The following SMTNL2 variants were observed in gnomAD, a reference collection of about 807,000 sequenced individuals.
SMTNL2 encodes the protein smoothelin-like protein 2.
SMTNL2 carries 43 observed loss-of-function variants against 44.1 expected under a neutral mutation model. The ratio of observed to expected loss-of-function variants is 0.98; its 90% CI spans 0.76 to 1.26. The LOEUF is 1.26. SMTNL2 is among the 50% of genes most tolerant of loss of function. The probability of loss-of-function intolerance (pLI) is 0.00; values close to 1 mark genes in which losing one functional copy is unlikely to be tolerated. For missense variants in SMTNL2, 646 were observed against 670.2 expected (o/e 0.96, Z 0.40); for synonymous variants, 317 against 287.6 (o/e 1.10, Z -1.03).
Position 4,607,200 on chromosome 17 carries a change from A to G in SMTNL2, c.1260-161A>G, listed in dbSNP as rs757381168. ...CATTGTATTGGAGTCAGTGACTCCA[A>G]GGGTTCTGCCAGGGTTATCTGAATT... On this transcript the variant is annotated intron_variant, in intron 7 of 7. Coordinates refer to ENST00000389313, the MANE Select transcript of SMTNL2 (RefSeq NM_001114974.2). The surrounding 1 kb of genome is among the most constrained non-coding windows in gnomAD (Gnocchi z 4.7). Among the ~76,000 whole-genome samples, 4 of 152,188 alleles carry G rather than the reference A, an allele frequency of 2.6e-5. No homozygotes were observed. Among genetic ancestry groups the G allele is most frequent in the Admixed American group, 6.5e-5 (1 of 15,272 alleles).
At position 4,595,016 on chromosome 17, in the gene SMTNL2, G is replaced by A; in HGVS notation, c.807-129G>A. 2 of 1,242,824 alleles carry A rather than the reference G, an allele frequency of 1.6e-6. No homozygotes were observed. The highest frequency in any genetic ancestry group is 2.3e-6 in the Non-Finnish European group (2 of 874,094). The allele number at this position is 1,242,824 out of a possible 1,614,324, so 77.0% of individuals were successfully genotyped here. A position where few individuals can be genotyped will look rare whatever the true frequency, so the allele number is the denominator to read the frequency against. On this transcript the variant is annotated intron_variant, in intron 4 of 7. Coordinates refer to ENST00000389313, the MANE Select transcript of SMTNL2 (RefSeq NM_001114974.2). This position sits in a 1 kb window ranked among gnomAD's most constrained non-coding sequence, Gnocchi z 5.1. ...ACCAGCTAGGGACCGGAGCAAGGGG[G>A]CCTCTTCTCTGAGCGCCCATCACGG...
At chr17:4,590,401 A>C (rs1450071322) in intron 1 of SMTNL2, among the ~76,000 whole-genome samples, 1 of 152,022 alleles carries the variant, frequency 6.6e-6, no homozygotes, top group African/African-American at 2.4e-5. Context: ...TGGGGGCCTC[A>C]TCCCAGGGCC....
At chr17:4,593,312 C>A in intron 3 of SMTNL2, 141 bp downstream of exon 3, 2 of 1,288,880 alleles carry the variant, frequency 1.6e-6, no homozygotes, top group Non-Finnish European at 2.1e-6. Flanking sequence ...GCCATGTCAG[C>A]CCCTTCCCTT....
Position 4,600,843 on chromosome 17 carries a change from G to A in SMTNL2, c.1259+3520G>A, listed in dbSNP as rs139400942. On this transcript the variant is annotated intron_variant, in intron 7 of 7. Transcript: ENST00000389313. This position sits in a 1 kb window ranked among gnomAD's most constrained non-coding sequence, Gnocchi z 4.7. ...GGAATGTGTCCTGCTCTCGGGTTACGCTGGAGCAGAAGGGCCTTCCAGGCT... is the reference window on the plus strand; with the variant it reads ...GGAATGTGTCCTGCTCTCGGGTTACACTGGAGCAGAAGGGCCTTCCAGGCT... Among the ~76,000 whole-genome samples, 3 of 152,188 alleles carry A rather than the reference G, an allele frequency of 2.0e-5. No individual in the cohort carries two copies. Among genetic ancestry groups the A allele is most frequent in the East Asian group, 1.9e-4 (1 of 5,198 alleles).
At chr17:4,597,419 G>A in intron 7 of SMTNL2, 96 bp downstream of exon 7, 3 of 1,521,774 alleles carry the variant, frequency 2.0e-6, no homozygotes, top group Non-Finnish European at 1.8e-6. Context: ...GGGATGTCGG[G>A]CCGCTGTCTG....
intron 4 of SMTNL2, 136 bp downstream of exon 4, chr17:4,594,033 G>A (rs1231736864): frequency 5.7e-5 from 47 of 823,080 alleles, no homozygotes; most frequent in East Asian, 2.6e-5. Flanking sequence ...GGAGCACTGG[G>A]CGGCAGGATG....
intron 1 of SMTNL2, among the ~76,000 whole-genome samples, chr17:4,590,895 G>A (rs946659076): frequency 6.6e-6 from 1 of 152,108 alleles, no homozygotes; most frequent in African/African-American, 2.4e-5. Flanking sequence ...CAGCAGCTTG[G>A]GCGGCAGGGC....
intron 1 of SMTNL2, among the ~76,000 whole-genome samples, chr17:4,591,450 G>C (rs1909567069): frequency 6.6e-6 from 1 of 152,228 alleles, no homozygotes; most frequent in South Asian, 2.1e-4. Flanking sequence ...ACACGTGCCA[G>C]CTGTTTTTTG....
chr17:4,597,446 T>TG (rs1411754542), intron 7 of SMTNL2, 123 bp downstream of exon 7: 6 of 1,325,852 alleles, frequency 4.5e-6, no homozygotes, highest in Non-Finnish European at 6.2e-6. Flanking sequence ...TGAAGGACCC[T>TG]GGGGCCATGT....
intron 1 of SMTNL2, among the ~76,000 whole-genome samples, chr17:4,588,629 C>G (rs2127227): frequency 0.68 from 103,556 of 151,860 alleles, 36,705 homozygotes; most frequent in Non-Finnish European, 0.77. Flanking sequence ...TGGTTGAAGA[C>G]CTCTGAGTTC....
Position 4,592,449 on chromosome 17 carries a change from G to T in SMTNL2, c.487+1G>T. 1.2e-6 allele frequency: 2 copies of T among 1,612,250 alleles called. No homozygotes were observed. On this transcript the variant is annotated splice_donor_variant, in intron 2 of 7. Coordinates refer to ENST00000389313, the MANE Select transcript of SMTNL2 (RefSeq NM_001114974.2). LOFTEE classifies it high-confidence loss of function. This position sits in a 1 kb window ranked among gnomAD's most constrained non-coding sequence, Gnocchi z 4.5. ...GAAAATGGGCACCAGCCGGGGGCAG[G>T]TAGGGCTGACGGCAGAGGAGGGGTG...
rs1017524725 is a variant in SMTNL2, at chr17:4,595,435, G to A, written c.989+108G>A. ...GGTTCAGCCCTGTCCTGTTCCCCAG[G>A]GCGCTGTTGCCCAGGACAAGATCTC... On this transcript the variant is annotated intron_variant, in intron 5 of 7. Transcript: ENST00000389313. The surrounding 1 kb of genome is among the most constrained non-coding windows in gnomAD (Gnocchi z 5.1). 3.5e-6 allele frequency: 5 copies of A among 1,435,970 alleles called. No homozygotes were observed. Among genetic ancestry groups the A allele is most frequent in the Non-Finnish European group, 4.7e-6 (5 of 1,070,146 alleles). 89.0% of individuals were successfully genotyped at this position (1,435,970 alleles called of 1,614,324 possible).
At chr17:4,599,024 C>A (rs958520493) in intron 7 of SMTNL2, among the ~76,000 whole-genome samples, 4 of 152,168 alleles carry the variant, frequency 2.6e-5, no homozygotes, top group African/African-American at 9.6e-5. Context: ...GTAACCTGCA[C>A]TTGGTATTGT....
rs1403241528 is a variant in SMTNL2 at position 4,606,750 on chromosome 17, C to A, written c.1260-611C>A. Among the ~76,000 whole-genome samples, 38 of 147,708 alleles carry A rather than the reference C, an allele frequency of 2.6e-4. No homozygotes were observed. In the South Asian group the frequency reaches 6.9e-3, roughly 27 times the overall value. Reference sequence around the variant, plus strand: ...TGAAACCTTGTCTCTACTAAAAATACAAAAAAAAAATTAGCCAGGCGTGGT... The same window carrying A: ...TGAAACCTTGTCTCTACTAAAAATAAAAAAAAAAAATTAGCCAGGCGTGGT... On this transcript the variant is annotated intron_variant, in intron 7 of 7. Coordinates refer to ENST00000389313, the MANE Select transcript of SMTNL2 (RefSeq NM_001114974.2).
chr17:4,607,645 T>C lies in SMTNL2; in HGVS notation c.*158T>C. On this transcript the variant is annotated 3_prime_UTR_variant, in exon 8 of 8. Coordinates refer to ENST00000389313, the MANE Select transcript of SMTNL2 (RefSeq NM_001114974.2). The surrounding 1 kb of genome is among the most constrained non-coding windows in gnomAD (Gnocchi z 4.7). ...CGGCACTCCCCTTCGAGCCCAGCTG[T>C]GTTACTGATTAAAAGTACTGCTGAG... 8.3e-7 allele frequency: 1 copy of C among 1,206,418 alleles called. No homozygotes were observed. The highest frequency in any genetic ancestry group is 2.5e-5 in the East Asian group (1 of 40,010). The allele number at this position is 1,206,418 out of a possible 1,614,324, so 74.7% of individuals were successfully genotyped here. A position where few individuals can be genotyped will look rare whatever the true frequency, so the allele number is the denominator to read the frequency against.
rs1909629030 is a variant in SMTNL2 at position 4,592,676 on chromosome 17, G to A, written c.487+228G>A. On this transcript the variant is annotated intron_variant, in intron 2 of 7. Coordinates refer to ENST00000389313, the MANE Select transcript of SMTNL2 (RefSeq NM_001114974.2). The surrounding 1 kb of genome is among the most constrained non-coding windows in gnomAD (Gnocchi z 4.5). ...GGTAGTGAGCTCTCCTGTTTCTAGAGGAAAGCAAATAGAGGCTGAGGAGCC... is the reference window on the plus strand; with the variant it reads ...GGTAGTGAGCTCTCCTGTTTCTAGAAGAAAGCAAATAGAGGCTGAGGAGCC... Among the ~76,000 whole-genome samples the A allele has an allele frequency of 6.6e-6, 1 of 152,182 alleles. No individual in the cohort carries two copies. Among genetic ancestry groups the A allele is most frequent in the South Asian group, 2.1e-4 (1 of 4,830 alleles).
Position 4,604,555 on chromosome 17 carries a change from G to A in SMTNL2, c.1260-2806G>A, listed in dbSNP as rs1010383626. On this transcript the variant is annotated intron_variant, in intron 7 of 7. Transcript: ENST00000389313. ...GGGATGGGTCAGAGGAGTCTTGCTC[G>A]CTCGCTGGGGTCTCCCCTCTGGCTG... Among the ~76,000 whole-genome samples the A allele has an allele frequency of 6.6e-5, 10 of 152,312 alleles. No homozygotes were observed. The East Asian group carries it at 7.7e-4, about 12-fold the overall frequency.
At chr17:4,594,961 C>T (rs1373754623) in intron 4 of SMTNL2, 184 bp from the exon 5 acceptor site, 11 of 767,956 alleles carry the variant, frequency 1.4e-5, no homozygotes, top group Non-Finnish European at 2.3e-5. Flanking sequence ...GCCAGTCCCT[C>T]CAGCCAGCAC....
rs1044553457 is a variant in SMTNL2, at chr17:4,598,101, G to A, written c.1259+778G>A. On this transcript the variant is annotated intron_variant, in intron 7 of 7. Coordinates refer to ENST00000389313, the MANE Select transcript of SMTNL2 (RefSeq NM_001114974.2). The surrounding 1 kb of genome is among the most constrained non-coding windows in gnomAD (Gnocchi z 4.8). ...AGCCTCGGGATAACAGCAGTGTGGC[G>A]GATCTCAGCCCGTGGCCTGGGTGCG... 1.4e-4 allele frequency among the ~76,000 whole-genome samples: 21 copies of A among 152,344 alleles called. No individual in the cohort carries two copies. The highest frequency in any genetic ancestry group is 2.2e-4 in the Non-Finnish European group (15 of 68,032).
Sources: allele counts gnomAD v4.1 joint callset (sites outside exome capture counted in the v4.1 genomes callset), GRCh38; gene constraint gnomAD v4.1.1; non-coding constraint Gnocchi (gnomAD v3.1); transcripts MANE v1.5; gene names NCBI Gene and HGNC (gene_info 2026-07-23, HGNC 2026-07-21).